Variants in IL1RAP observed in about 807,000 individuals in gnomAD.
IL1RAP encodes interleukin 1 receptor accessory protein.
IL1RAP carries 35 observed loss-of-function variants against 60.7 expected under a neutral mutation model. That is an observed-to-expected ratio of 0.58 (90% CI 0.44 to 0.76). The LOEUF (loss-of-function observed/expected upper bound fraction) is 0.76, where lower values mean the gene tolerates loss of function less well. Ranked by LOEUF, IL1RAP falls within the 30% of genes least tolerant of loss-of-function variation. IL1RAP has a pLI of 0.00. For synonymous variants in IL1RAP, 268 were observed against 250.9 expected (o/e 1.07, Z -0.64); for missense variants, 572 against 693.9 (o/e 0.82, Z 1.97).
intron 3 of IL1RAP, among the ~76,000 whole-genome samples, chr3:190,597,795 T>C (rs1230127259): frequency 2.0e-5 from 3 of 152,236 alleles, no homozygotes; most frequent in South Asian, 4.1e-4. Context: ...TAAAATGTTA[T>C]GTTAGCTCTC....
chr3:190,515,886 T>C (rs3774001), intron 1 of IL1RAP, among the ~76,000 whole-genome samples: 56,871 of 151,812 alleles, frequency 0.37, 12,102 homozygotes, highest in African/African-American at 0.58. Context: ...AATGCAAACC[T>C]TTCTGGACAC....
At chr3:190,629,795 A>G (rs1560229633) in intron 9 of IL1RAP, 3 of 1,066,716 alleles carry the variant, frequency 2.8e-6, no homozygotes, top group Middle Eastern at 4.2e-4. Context: ...AAAAACAAAG[A>G]AAATATTCAA....
intron 1 of IL1RAP, among the ~76,000 whole-genome samples, chr3:190,516,540 T>G (rs1209796775): frequency 1.3e-5 from 2 of 152,204 alleles, no homozygotes; most frequent in African/African-American, 2.4e-5. Context: ...GCATTCTGTA[T>G]ATATGATACT....
At chr3:190,606,908 A>G (rs1730376088) in intron 4 of IL1RAP, among the ~76,000 whole-genome samples, 1 of 152,164 alleles carries the variant, frequency 6.6e-6, no homozygotes, top group Non-Finnish European at 1.5e-5. Flanking sequence ...CAACTTTGGG[A>G]GCTAAAAAAA....
At chr3:190,584,047 C>T (rs910443975) in intron 3 of IL1RAP, among the ~76,000 whole-genome samples, 3 of 152,194 alleles carry the variant, frequency 2.0e-5, no homozygotes, top group African/African-American at 4.8e-5. Flanking sequence ...GCCACTGTGC[C>T]GTCCCCCCAC....
At chr3:190,647,903 A>G (rs895944109) in intron 11 of IL1RAP, among the ~76,000 whole-genome samples, 6 of 152,150 alleles carry the variant, frequency 3.9e-5, no homozygotes, top group Admixed American at 1.3e-4. Context: ...TTGAGTGTCC[A>G]TTGGTACTAG....
intron 2 of IL1RAP, chr3:190,563,315 T>C (rs1235929461): frequency 6.6e-6 from 1 of 152,172 alleles, no homozygotes; most frequent in East Asian, 1.9e-4. Context: ...CTGGACAAGT[T>C]ATCAAGACCT....
rs1734358524 is a variant in IL1RAP at position 190,650,976 on chromosome 3, T to C, written c.*2271T>C. On this transcript the variant is annotated 3_prime_UTR_variant, in exon 12 of 12. Coordinates refer to ENST00000447382, the MANE Select transcript of IL1RAP (RefSeq NM_002182.4). ...AATACCTTGATGTTTTTTCTATTTA[T>C]ATGCCTGCCTTTGGTACTTAATTTT... is the stretch of plus-strand genomic sequence containing the variant. 1 of 985,284 alleles carries C rather than the reference T, an allele frequency of 1.0e-6. No homozygotes were observed. Among genetic ancestry groups the C allele is most frequent in the African/African-American group, 1.7e-5 (1 of 57,248 alleles). The allele number at this position is 985,284 out of a possible 1,614,324, so 61.0% of individuals were successfully genotyped here.
intron 10 of IL1RAP, 127 bp downstream of exon 10, chr3:190,644,524 A>G: frequency 2.8e-6 from 2 of 720,226 alleles, no homozygotes; most frequent in South Asian, 3.5e-5. Context: ...TAAGCAGATT[A>G]ACTTTAATTT....
intron 3 of IL1RAP, among the ~76,000 whole-genome samples, chr3:190,578,325 G>T (rs752981124): frequency 6.6e-6 from 1 of 152,174 alleles, no homozygotes; most frequent in Non-Finnish European, 1.5e-5. Context: ...TATTCCTCGG[G>T]ATGGCAAGCA....
intron 9 of IL1RAP, among the ~76,000 whole-genome samples, chr3:190,638,195 C>G (rs1577801012): frequency 6.6e-6 from 1 of 152,086 alleles, no homozygotes; most frequent in East Asian, 1.9e-4. Context: ...TTATCAGAAA[C>G]TGTTAGACCT....
At chr3:190,575,145 T>C (rs922119387) in intron 3 of IL1RAP, among the ~76,000 whole-genome samples, 1 of 152,146 alleles carries the variant, frequency 6.6e-6, no homozygotes, top group Non-Finnish European at 1.5e-5. Flanking sequence ...TTTAGGGAGG[T>C]TGGTCCTTCA....
At chr3:190,564,455 A>C in intron 3 of IL1RAP, 102 bp downstream of exon 3, 1 of 790,148 alleles carries the variant, frequency 1.3e-6, no homozygotes, top group Non-Finnish European at 2.3e-6. Flanking sequence ...AATGTTATTC[A>C]TGTCCATTGT....
At chr3:190,517,521 T>C (rs1474925516) in intron 1 of IL1RAP, among the ~76,000 whole-genome samples, 2 of 152,194 alleles carry the variant, frequency 1.3e-5, no homozygotes, top group African/African-American at 2.4e-5. Flanking sequence ...TTGTGGAAAG[T>C]GATGGCTGGA....
exon 12 of IL1RAP, chr3:190,657,545 G>A (rs1262288300): frequency 6.6e-6 from 1 of 152,158 alleles, no homozygotes; most frequent in Admixed American, 6.5e-5. Context: ...GTGCCTACAA[G>A]GATCAGAAGG....
At chr3:190,581,162 A>G (rs1727962485) in intron 3 of IL1RAP, among the ~76,000 whole-genome samples, 1 of 152,188 alleles carries the variant, frequency 6.6e-6, no homozygotes, top group Admixed American at 6.5e-5. Flanking sequence ...GTTCTGGATC[A>G]GAACATGCCC....
intron 9 of IL1RAP, among the ~76,000 whole-genome samples, chr3:190,643,525 G>C (rs1480829216): frequency 7.2e-6 from 1 of 139,524 alleles, no homozygotes; most frequent in Non-Finnish European, 1.5e-5. Flanking sequence ...CTGCAAAGGT[G>C]CCTAAAATAT....
chr3:190,612,721 G>A (rs1227843371), intron 5 of IL1RAP, among the ~76,000 whole-genome samples: 2 of 152,060 alleles, frequency 1.3e-5, no homozygotes, highest in African/African-American at 4.8e-5. Context: ...GATTTATGAT[G>A]GGGCTATGGT....
intron 3 of IL1RAP, among the ~76,000 whole-genome samples, chr3:190,592,064 G>C (rs549978198): frequency 7.4e-4 from 112 of 152,214 alleles, no homozygotes; most frequent in Non-Finnish European, 1.4e-3. Flanking sequence ...CTGTCTCCCA[G>C]GCTGGAGTGC....
Sources: gnomAD v4.1 joint callset for allele counts (sites outside exome capture counted in the v4.1 genomes callset) on GRCh38, gnomAD v4.1.1 for gene constraint, MANE v1.5 for transcripts, NCBI Gene and HGNC (gene_info 2026-07-23, HGNC 2026-07-21) for gene names.